ROBO2: variants seen among roughly 807,000 people sequenced by gnomAD.
ROBO2 encodes roundabout guidance receptor 2, also known as roundabout homolog 2.
A neutral mutation model predicts 160.8 loss-of-function variants in ROBO2; 53 were observed. That is an observed-to-expected ratio of 0.33 (90% confidence interval 0.26 to 0.41). ROBO2 has a LOEUF of 0.41. ROBO2 is among the 10% of genes least tolerant of loss of function. The pLI, the probability that ROBO2 is intolerant of heterozygous loss-of-function variation, is 1.00. For synonymous variants in ROBO2, 664 were observed against 611.7 expected, an observed-to-expected ratio of 1.09 and a Z score of -1.26; for missense variants, 1,577 against 1,722.4, an observed-to-expected ratio of 0.92 and a Z score of 1.49.
At chr3:76,702,798 A>G (rs2093075079) in intron 2 of ROBO2, among the ~76,000 whole-genome samples, 1 of 152,142 alleles carries the variant, frequency 6.6e-6, no homozygotes, top group Non-Finnish European at 1.5e-5. Context: ...AAAAAAAGTC[A>G]GACTCCAAGA....
chr3:76,039,602 G>A (rs1335925392), intron 2 of ROBO2, among the ~76,000 whole-genome samples: 1 of 151,926 alleles, frequency 6.6e-6, no homozygotes, highest in Non-Finnish European at 1.5e-5. Context: ...TTCTCTGTTG[G>A]GGAATACTTC....
chr3:76,298,069 G>A (rs150334901), intron 2 of ROBO2, among the ~76,000 whole-genome samples: 383 of 152,252 alleles, frequency 2.5e-3, no homozygotes, highest in Non-Finnish European at 4.4e-3. Flanking sequence ...CCTGAAACAC[G>A]GGAATAAGAA....
chr3:76,243,063 A>G (rs987632733), intron 2 of ROBO2, among the ~76,000 whole-genome samples: 2 of 152,070 alleles, frequency 1.3e-5, no homozygotes, highest in African/African-American at 4.8e-5. Flanking sequence ...CCCTGTAACA[A>G]CTCACAAACA....
Position 76,271,190 on chromosome 3 carries a change from A to G in ROBO2, c.109+333588A>G, listed in dbSNP as rs530316269. 1.1e-4 allele frequency among the ~76,000 whole-genome samples: 16 copies of G among 152,214 alleles called. 1 individual carries two copies. The South Asian group carries it at 3.3e-3, about 32-fold the overall frequency. On this transcript the variant is annotated intron_variant, in intron 2 of 26. Transcript: ENST00000487694. The stretch of plus-strand genomic sequence containing the variant: ...ATACAAACAAAAAGTAGGGAAAAAC[A>G]AAAAGAAATAAAACCTGAGAATGAC...
chr3:76,386,044 A>T (rs2076865263), intron 2 of ROBO2, among the ~76,000 whole-genome samples: 1 of 152,202 alleles, frequency 6.6e-6, no homozygotes, highest in African/African-American at 2.4e-5. Context: ...TCAATCCTAA[A>T]TGAGTACATC....
At chr3:76,607,983 G>C (rs868813165) in intron 2 of ROBO2, among the ~76,000 whole-genome samples, 5 of 152,062 alleles carry the variant, frequency 3.3e-5, no homozygotes, top group African/African-American at 1.2e-4. Flanking sequence ...CCATCAAATT[G>C]CTTATGGATT....
At chr3:76,337,333 T>C (rs561713680) in intron 2 of ROBO2, among the ~76,000 whole-genome samples, 1 of 152,174 alleles carries the variant, frequency 6.6e-6, no homozygotes, top group African/African-American at 2.4e-5. Flanking sequence ...ACGTAAACAC[T>C]ATTGGTATTA....
intron 4 of ROBO2, among the ~76,000 whole-genome samples, chr3:77,491,189 G>C (rs567085466): frequency 5.9e-5 from 9 of 152,272 alleles, no homozygotes; most frequent in African/African-American, 2.2e-4. Context: ...GCCTCTAGGA[G>C]TGGGTGCATT....
chr3:76,133,867 C>G (rs2071326715), intron 2 of ROBO2, among the ~76,000 whole-genome samples: 1 of 152,030 alleles, frequency 6.6e-6, no homozygotes, highest in Admixed American at 6.6e-5. Flanking sequence ...TCCACTGACT[C>G]CAGTGTTAAT....
chr3:76,055,861 C>T (rs1439867823), intron 2 of ROBO2, among the ~76,000 whole-genome samples: 13 of 152,104 alleles, frequency 8.5e-5, no homozygotes, highest in African/African-American at 2.2e-4. Flanking sequence ...TGGGTTCAAG[C>T]GATTCTCCTG....
chr3:76,776,840 A>T lies in ROBO2; in HGVS notation c.110-321174A>T, dbSNP rs1236729820. ...CTTTCATTTTCAATGGCAAATTTTA[A>T]TAGTATCATAAAATTATAATATGAA... is the stretch of plus-strand genomic sequence containing the variant. On this transcript the variant is annotated intron_variant, in intron 2 of 26. Transcript: ENST00000487694. Among the ~76,000 whole-genome samples, 7 of 151,148 alleles carry T rather than the reference A, an allele frequency of 4.6e-5. No homozygotes were observed. The East Asian group carries it at 1.4e-3, about 30-fold the overall frequency.
intron 2 of ROBO2, among the ~76,000 whole-genome samples, chr3:76,571,674 T>A (rs2084965111): frequency 6.6e-6 from 1 of 152,144 alleles, no homozygotes; most frequent in African/African-American, 2.4e-5. Flanking sequence ...ACATAATTAA[T>A]TAGCCAGGAA....
At chr3:76,348,964 A>T (rs772516461) in intron 2 of ROBO2, among the ~76,000 whole-genome samples, 1 of 152,146 alleles carries the variant, frequency 6.6e-6, no homozygotes, top group African/African-American at 2.4e-5. Context: ...ACGGTTGTGT[A>T]TTTATACCCC....
rs186425163 is a variant in ROBO2 at position 76,386,708 on chromosome 3, C to T, written c.109+449106C>T. On this transcript the variant is annotated intron_variant, in intron 2 of 26. Coordinates refer to the ROBO2 transcript ENST00000487694. ...GTATCAAAAAAGGGAGTTTAAAATA[C>T]AAGTAGTCTGGGATAGGTTTATGAT... Among the ~76,000 whole-genome samples, 838 of 152,058 alleles carry T rather than the reference C, an allele frequency of 5.5e-3. 6 individuals are homozygous for T. The highest frequency in any genetic ancestry group is 0.019 in the African/African-American group (792 of 41,468).
At chr3:76,832,702 G>A (rs765570491) in intron 2 of ROBO2, among the ~76,000 whole-genome samples, 13 of 152,076 alleles carry the variant, frequency 8.5e-5, no homozygotes, top group Non-Finnish European at 1.6e-4. Flanking sequence ...CAGGAGGCAC[G>A]TACTGGGTGT....
intron 2 of ROBO2, among the ~76,000 whole-genome samples, chr3:76,741,754 A>G (rs1576355807): frequency 6.6e-6 from 1 of 152,220 alleles, no homozygotes; most frequent in East Asian, 1.9e-4. Flanking sequence ...CAAAGATTAA[A>G]TAACTGTATA....
chr3:77,552,195 T>C (rs1370888310), intron 8 of ROBO2, among the ~76,000 whole-genome samples: 1 of 152,040 alleles, frequency 6.6e-6, no homozygotes, highest in Non-Finnish European at 1.5e-5. Context: ...TCAACAAAAA[T>C]GTCCAGATAC....
At chr3:77,483,684 G>T (rs1278334531) in intron 4 of ROBO2, among the ~76,000 whole-genome samples, 1 of 148,576 alleles carries the variant, frequency 6.7e-6, no homozygotes, top group African/African-American at 2.5e-5. Flanking sequence ...GTTACATTTT[G>T]TTGTTCAAAA....
intron 25 of ROBO2, 93 bp from the exon 28 acceptor site, chr3:77,645,961 T>G: frequency 1.2e-6 from 1 of 839,392 alleles, no homozygotes; most frequent in Non-Finnish European, 1.9e-6. Flanking sequence ...CTTATTTTCA[T>G]TGATTATCTG....
Sources: gnomAD v4.1 joint callset for allele counts (sites outside exome capture counted in the v4.1 genomes callset) on GRCh38, gnomAD v4.1.1 for gene constraint, MANE v1.5 for transcripts, NCBI Gene and HGNC (gene_info 2026-07-23, HGNC 2026-07-21) for gene names.